HSD17B1: variants seen among roughly 807,000 people sequenced by gnomAD.
The protein encoded by HSD17B1 is 17-beta-hydroxysteroid dehydrogenase type 1.
A neutral mutation model predicts 22.7 loss-of-function variants in HSD17B1; 16 were observed. That is an observed-to-expected ratio of 0.71 (90% CI 0.48 to 1.07). HSD17B1 has a LOEUF of 1.07. HSD17B1 is among the 50% of genes least tolerant of loss of function. HSD17B1 has a pLI of 0.00. For missense variants in HSD17B1, 533 were observed against 459.9 expected (o/e 1.16, Z -1.45); for synonymous variants, 243 against 211.0 (o/e 1.15, Z -1.31).
chr17:42,554,706 T>G lies in HSD17B1; in HGVS notation c.755T>G (p.Leu252Arg), dbSNP rs768171940. 26 of 1,603,496 alleles carry G rather than the reference T, an allele frequency of 1.6e-5. No individual in the cohort carries two copies. The highest frequency in any genetic ancestry group is 2.1e-5 in the Non-Finnish European group (25 of 1,179,692). The part of the protein sequence containing the change: ...LTALRAPKPT[L>R]RYFTTERFLP... ...GCTTTGCGCGCCCCGAAGCCGACCC[T>G]GCGCTACTTCACCACCGAGCGCTTC... Residue 252 changes from leucine (L) to arginine (R), a missense_variant, in exon 6 of 6, where the codon CTG becomes CGG. Coordinates refer to ENST00000585807, the MANE Select transcript of HSD17B1 (RefSeq NM_000413.4).
Position 42,553,449 on chromosome 17 carries a change from A to G in HSD17B1, c.276A>G (p.Ala92=), listed in dbSNP as rs28490403. The G allele has an allele frequency of 6.2e-7, 1 of 1,612,890 alleles. No homozygotes were observed. Among genetic ancestry groups the G allele is most frequent in the East Asian group, 2.2e-5 (1 of 44,886 alleles). The part of the protein sequence containing the change: ...EGRVDVLVCN[A]GLGLLGPLEA... ...CTCTTGTCTCCGCAGTGTGTAACGC[A>G]GGCCTGGGCCTGCTGGGGCCGCTGG... is the stretch of plus-strand genomic sequence containing the variant. The change falls in exon 3 of 6, where the codon GCA becomes GCG. Residue 92 remains alanine, a synonymous_variant. Coordinates refer to ENST00000585807, the MANE Select transcript of HSD17B1 (RefSeq NM_000413.4).
In HSD17B1 at chr17:42,554,840, G is replaced by A; in HGVS notation, c.889G>A (p.Glu297Lys). The A allele has an allele frequency of 6.3e-7, 1 of 1,593,048 alleles. No individual in the cohort carries two copies. Among genetic ancestry groups the A allele is most frequent in the South Asian group, 1.1e-5 (1 of 90,320 alleles). Residue 297 changes from glutamate (E) to lysine (K), a missense_variant, in exon 6 of 6, where the codon GAG (glutamate) becomes AAG (lysine). Transcript: ENST00000585807. ...TCCGGCAAAGGCCGAGGCTGGGGCC[G>A]AGGCTGGGGGCGGGGCCGGGCCTGG... ...DVPAKAEAGAEAGGGAGPGAE... is the reference protein window; with the variant it reads ...DVPAKAEAGAKAGGGAGPGAE...
rs1489413146 is a variant in HSD17B1, at chr17:42,554,690, G to T, written c.739G>T (p.Ala247Ser). 1.2e-6 allele frequency: 2 copies of T among 1,603,574 alleles called. No homozygotes were observed. The highest frequency in any genetic ancestry group is 1.7e-6 in the Non-Finnish European group (2 of 1,179,394). Residue 247 changes from alanine to serine, a missense_variant, in exon 6 of 6, where the codon GCC (alanine) becomes TCC (serine). Transcript: ENST00000585807. ...GCAGGTCTTCCTCACCGCTTTGCGC[G>T]CCCCGAAGCCGACCCTGCGCTACTT... ...VAEVFLTALR[A>S]PKPTLRYFTT... is the part of the protein sequence containing the mutation.
chr17:42,554,184 C>T (rs927759955), intron 4 of HSD17B1: 39 of 704,470 alleles, frequency 5.5e-5, no homozygotes, highest in Non-Finnish European at 8.6e-5. Context: ...CACCAGGGCT[C>T]CCTTGTAGCC....
Position 42,553,640 on chromosome 17 carries a change from C to T in HSD17B1, c.445+22C>T, listed in dbSNP as rs780684458. 26 of 1,598,786 alleles carry T rather than the reference C, an allele frequency of 1.6e-5. 1 individual carries two copies. The highest frequency in any genetic ancestry group is 1.6e-4 in the South Asian group (14 of 88,606). ...ATGGGTGAGTGGTAGGGAGTGGCCTCGGCAGCTCCAGATTCTTTGTGTGCG... is the reference window on the plus strand; with the variant it reads ...ATGGGTGAGTGGTAGGGAGTGGCCTTGGCAGCTCCAGATTCTTTGTGTGCG... On this transcript the variant is annotated intron_variant, in intron 3 of 5. Coordinates refer to ENST00000585807, the MANE Select transcript of HSD17B1 (RefSeq NM_000413.4).
intron 3 of HSD17B1, 87 bp from the exon 4 acceptor site, chr17:42,553,707 G>A: frequency 6.3e-7 from 1 of 1,596,918 alleles, no homozygotes; most frequent in South Asian, 1.1e-5. Flanking sequence ...GGGGTGGAGT[G>A]GGGTGCCGTC....
chr17:42,553,052 G>C (rs368059569), intron 1 of HSD17B1, 22 bp downstream of exon 1: 1 of 1,614,014 alleles, frequency 6.2e-7, no homozygotes, highest in Non-Finnish European at 8.5e-7. Flanking sequence ...CAGGGACAGG[G>C]AGGGAGAGAA....
chr17:42,554,322 T>C, intron 4 of HSD17B1, 83 bp from the exon 5 acceptor site: 2 of 1,468,220 alleles, frequency 1.4e-6, no homozygotes, highest in Admixed American at 4.6e-5. Flanking sequence ...CGGGACGTGG[T>C]TGGGGCTGGG....
rs1440377818 is a variant in HSD17B1, at chr17:42,554,417, C to T, written c.552C>T (p.Ile184=). 3 of 1,607,280 alleles carry T rather than the reference C, an allele frequency of 1.9e-6. No individual in the cohort carries two copies. Among genetic ancestry groups the T allele is most frequent in the Non-Finnish European group, 2.6e-6 (3 of 1,175,900 alleles). ...CTCCGGCCAGCAGCTTGAGCCTGAT[C>T]GAGTGCGGCCCAGTGCACACCGCCT... The part of the protein sequence containing the change: ...LLPFGVHLSL[I]ECGPVHTAFM... The change falls in exon 5 of 6, where the codon ATC becomes ATT. Residue 184 remains isoleucine, a synonymous_variant. Coordinates refer to ENST00000585807, the MANE Select transcript of HSD17B1 (RefSeq NM_000413.4).
chr17:42,553,606 G>C lies in HSD17B1; in HGVS notation c.433G>C (p.Gly145Arg), dbSNP rs753075944. 1 of 1,607,998 alleles carries C rather than the reference G, an allele frequency of 6.2e-7. No individual in the cohort carries two copies. The highest frequency in any genetic ancestry group is 1.1e-5 in the South Asian group (1 of 90,176). The change falls in exon 3 of 6, where the codon GGA (glycine) becomes CGA (arginine). Residue 145 changes from glycine (G) to arginine (R), a missense_variant. Physicochemically the swap from Gly to Arg is moderately radical, Grantham distance 125 (BLOSUM62 -2). Transcript: ENST00000585807. ...SGRVLVTGSV[G>R]GLMGLPFNDV... ...ACGCGTGTTGGTGACCGGGAGCGTG[G>C]GAGGATTGATGGGTGAGTGGTAGGG...
chr17:42,554,312 C>G, intron 4 of HSD17B1, 93 bp from the exon 5 acceptor site: 1 of 1,450,694 alleles, frequency 6.9e-7, no homozygotes, highest in Non-Finnish European at 9.1e-7. Context: ...GGTCGGGGGC[C>G]GGGACGTGGT....
rs780507235 is a variant in HSD17B1, at chr17:42,554,718, C to G, written c.767C>G (p.Thr256Ser). 1.9e-6 allele frequency: 3 copies of G among 1,603,472 alleles called. No homozygotes were observed. Among genetic ancestry groups the G allele is most frequent in the Admixed American group, 1.7e-5 (1 of 59,992 alleles). ...CCGAAGCCGACCCTGCGCTACTTCA[C>G]CACCGAGCGCTTCCTGCCCCTGCTG... The part of the protein sequence containing the change: ...RAPKPTLRYF[T>S]TERFLPLLRM... The change falls in exon 6 of 6, where the codon ACC (threonine) becomes AGC (serine). Residue 256 changes from threonine to serine, a missense_variant. By Grantham distance (58) the Thr-to-Ser change is moderately conservative (BLOSUM62 1). Coordinates refer to ENST00000585807, the MANE Select transcript of HSD17B1 (RefSeq NM_000413.4).
Position 42,554,723 on chromosome 17 carries a change from G to T in HSD17B1, c.772G>T (p.Glu258Ter). ...PKPTLRYFTT[E>*]RFLPLLRMRL... ...GCCGACCCTGCGCTACTTCACCACC[G>T]AGCGCTTCCTGCCCCTGCTGCGGAT... is the stretch of plus-strand genomic sequence containing the variant. Residue 258 changes from glutamate to a stop codon, truncating the protein, a stop_gained, in exon 6 of 6, where the codon GAG becomes TAG. Transcript: ENST00000585807. LOFTEE classifies it low-confidence loss of function (END_TRUNC). The T allele has an allele frequency of 6.2e-7, 1 of 1,603,592 alleles. No homozygotes were observed.
Position 42,555,017 on chromosome 17 carries a change from G to A in HSD17B1, c.*79G>A, listed in dbSNP as rs1397054878. ...GGTCCCTGGGGATGGGGCGGCGGTA[G>A]CAGCTGTGGGTGGCTAATTAAGATA... is the stretch of plus-strand genomic sequence containing the variant. On this transcript the variant is annotated 3_prime_UTR_variant, in exon 6 of 6. Coordinates refer to ENST00000585807, the MANE Select transcript of HSD17B1 (RefSeq NM_000413.4). 5 of 1,410,826 alleles carry A rather than the reference G, an allele frequency of 3.5e-6. No homozygotes were observed. The highest frequency in any genetic ancestry group is 4.6e-6 in the Non-Finnish European group (5 of 1,089,262). The allele number at this position is 1,410,826 out of a possible 1,614,324, so 87.4% of individuals were successfully genotyped here.
At position 42,554,704 on chromosome 17, in the gene HSD17B1, C is replaced by A. The variant is rs751676864; in HGVS notation, c.753C>A (p.Thr251=). ...CCGCTTTGCGCGCCCCGAAGCCGAC[C>A]CTGCGCTACTTCACCACCGAGCGCT... ...FLTALRAPKP[T]LRYFTTERFL... The change falls in exon 6 of 6, where the codon ACC becomes ACA. Residue 251 remains threonine, a synonymous_variant. Transcript: ENST00000585807. 1.2e-6 allele frequency: 2 copies of A among 1,603,692 alleles called. No individual in the cohort carries two copies. The highest frequency in any genetic ancestry group is 2.2e-5 in the South Asian group (2 of 91,068).
rs781214567 is a variant in HSD17B1 at position 42,554,887 on chromosome 17, C to T, written c.936C>T (p.Arg312=). 3.2e-6 allele frequency: 5 copies of T among 1,547,236 alleles called. No homozygotes were observed. In the African/African-American group the frequency reaches 4.1e-5, roughly 13 times the overall value. ...CTGGGGCAGAGGACGAGGCCGGGCG[C>T]GGTGCGGTGGGGGACCCTGAGCTCG... ...AGPGAEDEAG[R]GAVGDPELGD... The change falls in exon 6 of 6, where the codon CGC becomes CGT. Residue 312 remains arginine, a synonymous_variant. Transcript: ENST00000585807.
rs775239671 is a variant in HSD17B1 at position 42,553,177 on chromosome 17, C to T, written c.151C>T (p.Arg51Trp). 2.9e-5 allele frequency: 46 copies of T among 1,613,566 alleles called. No homozygotes were observed. Among genetic ancestry groups the T allele is most frequent in the Admixed American group, 2.7e-4 (16 of 60,010 alleles). ...KTQGRLWEAARALACPPGSLE... is the reference protein window; with the variant it reads ...KTQGRLWEAAWALACPPGSLE... ...ACAGGGCCGGCTGTGGGAGGCGGCC[C>T]GGGCCCTGGCATGCCCTCCGGGATC... Residue 51 changes from arginine to tryptophan, a missense_variant, in exon 2 of 6, where the codon CGG becomes TGG. Coordinates refer to ENST00000585807, the MANE Select transcript of HSD17B1 (RefSeq NM_000413.4).
rs747497249 is a variant in HSD17B1, at chr17:42,554,591, C to A, written c.717+9C>A. Reference sequence around the variant, plus strand: ...CTGAGGAGGTGGCGGAGGTGAGCGCCGGGCTGGACTCCAGGAGTGGGGGCG... The same window carrying A: ...CTGAGGAGGTGGCGGAGGTGAGCGCAGGGCTGGACTCCAGGAGTGGGGGCG... On this transcript the variant is annotated intron_variant, in intron 5 of 5. Transcript: ENST00000585807. 8.7e-6 allele frequency: 14 copies of A among 1,612,290 alleles called. No individual in the cohort carries two copies. Among genetic ancestry groups the A allele is most frequent in the Admixed American group, 1.7e-5 (1 of 59,958 alleles).
rs1567897430 is a variant in HSD17B1, at chr17:42,552,949, GT to G, written c.17del (p.Val6GlyfsTer32). 6.2e-7 allele frequency: 1 copy of G among 1,614,120 alleles called. No homozygotes were observed. Among genetic ancestry groups the G allele is most frequent in the Admixed American group, 1.7e-5 (1 of 60,030 alleles). On this transcript the variant is annotated frameshift_variant, in exon 1 of 6. Transcript: ENST00000585807. LOFTEE classifies it high-confidence loss of function. MARTV[V>X]LITGCSSGIG... is the part of the protein sequence containing the mutation. ...CAGTCTCACCATGGCCCGCACCGTG[GT>G]GCTCATCACCGGCTGTTCCTCGGGC...
Sources: gnomAD v4.1 joint callset for allele counts on GRCh38, gnomAD v4.1.1 for gene constraint, MANE v1.5 for transcripts, NCBI Gene and HGNC (gene_info 2026-07-23, HGNC 2026-07-21) for gene names.